Variants in FARP2 observed in about 807,000 individuals in gnomAD.
The protein encoded by FARP2 is FERM, ARH/RhoGEF and pleckstrin domain protein 2.
Under a neutral mutation model 130.5 loss-of-function variants are expected in FARP2, and 111 were observed. The observed-to-expected ratio is 0.85, with a 90% CI of 0.73 to 1.00. FARP2 has a LOEUF of 1.00. FARP2 is among the 50% of genes least tolerant of loss of function. FARP2 has a pLI of 0.00. For synonymous variants in FARP2, 504 were observed against 516.9 expected (o/e 0.98, Z 0.34); for missense variants, 1,385 against 1,346.3 (o/e 1.03, Z -0.45).
intron 10 of FARP2, 149 bp downstream of exon 10, chr2:241,434,470 G>A (rs2063168548): frequency 1.6e-6 from 1 of 611,340 alleles, no homozygotes; most frequent in South Asian, 3.0e-5. Flanking sequence ...ACTAGAGGAA[G>A]CATATGAAAT....
intron 19 of FARP2, chr2:241,479,067 C>T: frequency 1.9e-6 from 1 of 515,496 alleles, no homozygotes; most frequent in Admixed American, 3.0e-5. Flanking sequence ...GTCCAGGAAG[C>T]TTGGCTGCGA....
At chr2:241,419,975 C>T (rs2062765340) in intron 8 of FARP2, among the ~76,000 whole-genome samples, 1 of 151,990 alleles carries the variant, frequency 6.6e-6, no homozygotes. Flanking sequence ...CATGGAGAAA[C>T]CTCATCTCTA....
chr2:241,423,750 A>G (rs190613833), intron 8 of FARP2, among the ~76,000 whole-genome samples: 22 of 152,346 alleles, frequency 1.4e-4, no homozygotes, highest in Admixed American at 3.9e-4. Flanking sequence ...TAGACTCAAA[A>G]TGAAGGGATG....
chr2:241,422,509 G>A (rs1034103491), intron 8 of FARP2, among the ~76,000 whole-genome samples: 3 of 152,084 alleles, frequency 2.0e-5, no homozygotes, highest in African/African-American at 7.2e-5. Context: ...CCACAGAGAT[G>A]AGAAAATCAA....
Position 241,373,199 on chromosome 2 carries a change from C to G in FARP2, c.92C>G (p.Pro31Arg). The part of the protein sequence containing the change: ...QTPVGVSTLE[P>R]GQTLLPRMQE... ...CCTGTGGGAGTTAGCACCCTTGAGC[C>G]TGGGCAGACTCTCTTGCCCAGAATG... is the stretch of plus-strand genomic sequence containing the variant. The change falls in exon 2 of 27, where the codon CCT (proline) becomes CGT (arginine). Residue 31 changes from proline (P) to arginine (R), a missense_variant. By Grantham distance (103) the Pro-to-Arg change is moderately radical. Transcript: ENST00000264042. The G allele has an allele frequency of 6.3e-7, 1 of 1,582,048 alleles. No individual in the cohort carries two copies. The highest frequency in any genetic ancestry group is 8.6e-7 in the Non-Finnish European group (1 of 1,159,072).
intron 13 of FARP2, among the ~76,000 whole-genome samples, chr2:241,449,666 T>A (rs1250558956): frequency 6.6e-6 from 1 of 152,026 alleles, no homozygotes; most frequent in East Asian, 1.9e-4. Context: ...ATGATGAATA[T>A]TGAGAAAATT....
intron 13 of FARP2, chr2:241,442,041 CA>C (rs2063397181): frequency 2.8e-6 from 1 of 359,266 alleles, no homozygotes; most frequent in Non-Finnish European, 5.5e-6. Flanking sequence ...AAAGTGACTT[CA>C]ATGGGAACGC....
chr2:241,401,238 A>G (rs1457443697), intron 2 of FARP2, among the ~76,000 whole-genome samples: 1 of 152,212 alleles, frequency 6.6e-6, no homozygotes, highest in East Asian at 1.9e-4. Flanking sequence ...TGTCCTTTGG[A>G]ACAATGAGAT....
Position 241,491,684 on chromosome 2 carries a change from G to A in FARP2, c.2787+5G>A, listed in dbSNP as rs749810258. The A allele has an allele frequency of 4.9e-5, 77 of 1,587,572 alleles. No homozygotes were observed. Among genetic ancestry groups the A allele is most frequent in the South Asian group, 4.4e-4 (39 of 87,686 alleles). On this transcript the variant is annotated splice_donor_5th_base_variant and intron_variant, in intron 24 of 26. Coordinates refer to ENST00000264042, the MANE Select transcript of FARP2 (RefSeq NM_014808.4). ...GACCACAGTGCAGCTGTCGAGGTAC[G>A]ACCGCATGAGCACCACCTCAGTGCA...
At chr2:241,398,677 C>T (rs2062088675) in intron 2 of FARP2, among the ~76,000 whole-genome samples, 1 of 151,804 alleles carries the variant, frequency 6.6e-6, no homozygotes, top group South Asian at 2.1e-4. Context: ...TCAGGCAACT[C>T]TCCTGCCTCA....
intron 13 of FARP2, among the ~76,000 whole-genome samples, chr2:241,450,005 T>TC (rs1181563087): frequency 7.1e-6 from 1 of 141,808 alleles, no homozygotes; most frequent in Non-Finnish European, 1.5e-5. Context: ...AGACTCCATC[T>TC]CAAAAAAAAA....
intron 13 of FARP2, among the ~76,000 whole-genome samples, chr2:241,448,258 A>T (rs2063557761): frequency 1.3e-5 from 2 of 152,220 alleles, no homozygotes; most frequent in Non-Finnish European, 2.9e-5. Context: ...CCTGCCCAGC[A>T]TCCGCTGCCT....
intron 9 of FARP2, chr2:241,432,298 C>A (rs1199387077): frequency 1.3e-5 from 2 of 152,462 alleles, no homozygotes; most frequent in Admixed American, 6.5e-5. Flanking sequence ...CTCACACTTA[C>A]CTCCCCCAGG....
chr2:241,449,877 G>A (rs905095047), intron 13 of FARP2, among the ~76,000 whole-genome samples: 1 of 151,800 alleles, frequency 6.6e-6, no homozygotes, highest in Non-Finnish European at 1.5e-5. Flanking sequence ...CATGGTGGCG[G>A]GTGCCTGTAA....
chr2:241,481,564 G>T (rs894107618), intron 19 of FARP2, among the ~76,000 whole-genome samples: 3 of 152,220 alleles, frequency 2.0e-5, no homozygotes, highest in Admixed American at 6.5e-5. Context: ...TTGATCAGGT[G>T]CTAGGACCAC....
At chr2:241,422,277 A>G (rs898554342) in intron 8 of FARP2, among the ~76,000 whole-genome samples, 2 of 151,092 alleles carry the variant, frequency 1.3e-5, no homozygotes, top group Admixed American at 6.6e-5. Flanking sequence ...AAAAAAAAAA[A>G]AAATTAACCA....
At chr2:241,374,879 C>A (rs1183337834) in intron 2 of FARP2, among the ~76,000 whole-genome samples, 2 of 152,222 alleles carry the variant, frequency 1.3e-5, no homozygotes, top group East Asian at 3.8e-4. Context: ...GTCGGCTGCC[C>A]TTTCACCAGC....
intron 14 of FARP2, among the ~76,000 whole-genome samples, chr2:241,457,268 T>C (rs1449067807): frequency 1.3e-5 from 2 of 151,958 alleles, no homozygotes; most frequent in Non-Finnish European, 1.5e-5. Flanking sequence ...CTTCCTCATT[T>C]CTCCCTCCCG....
intron 1 of FARP2, among the ~76,000 whole-genome samples, chr2:241,358,007 G>A (rs925396049): frequency 2.6e-5 from 4 of 152,106 alleles, no homozygotes; most frequent in Admixed American, 2.0e-4. Context: ...CTGCTCAACA[G>A]GGCGAAACCC....
Sources: allele counts gnomAD v4.1 joint callset (sites outside exome capture counted in the v4.1 genomes callset), GRCh38; gene constraint gnomAD v4.1.1; transcripts MANE v1.5; gene names NCBI Gene and HGNC (gene_info 2026-07-23, HGNC 2026-07-21).